Variants in CCSER1 observed in about 807,000 individuals in gnomAD.
CCSER1 encodes serine-rich coiled-coil domain-containing protein 1.
Under a neutral mutation model 82.0 loss-of-function variants are expected in CCSER1, and 41 were observed. That is an observed-to-expected ratio of 0.50 (90% CI 0.39 to 0.65). The LOEUF (loss-of-function observed/expected upper bound fraction) is 0.65, where lower values mean the gene tolerates loss of function less well. Among genes scored for constraint, CCSER1 ranks in the 30% least tolerant of loss-of-function variants. CCSER1 has a pLI of 0.00. For missense variants in CCSER1, 1,119 were observed against 1,064.2 expected, an observed-to-expected ratio of 1.05 and a Z score of -0.72; for synonymous variants, 414 against 383.9, an observed-to-expected ratio of 1.08 and a Z score of -0.92.
chr4:90,743,861 C>A (rs1425026865), intron 7 of CCSER1, among the ~76,000 whole-genome samples: 1 of 152,130 alleles, frequency 6.6e-6, no homozygotes, highest in Non-Finnish European at 1.5e-5. Context: ...AGGAATAAAC[C>A]TGACAATGGT....
chr4:91,252,422 G>T (rs1341538024), intron 10 of CCSER1, among the ~76,000 whole-genome samples: 1 of 152,070 alleles, frequency 6.6e-6, no homozygotes, highest in Non-Finnish European at 1.5e-5. Context: ...ATAAAGATAA[G>T]TACATGGACA....
intron 10 of CCSER1, among the ~76,000 whole-genome samples, chr4:91,420,467 A>G (rs1753625456): frequency 6.6e-6 from 1 of 152,158 alleles, no homozygotes; most frequent in African/African-American, 2.4e-5. Context: ...TGTCAGAGAA[A>G]TGCAAATGAA....
intron 10 of CCSER1, among the ~76,000 whole-genome samples, chr4:91,141,027 A>G (rs1728974170): frequency 6.6e-6 from 1 of 152,058 alleles, no homozygotes. Flanking sequence ...TGTATGTCCA[A>G]TGTTTAGCTC....
rs74267677 is a variant in CCSER1 at position 91,265,057 on chromosome 4, AAG to A, written c.2217+179065_2217+179066del. Among the ~76,000 whole-genome samples the A allele has an allele frequency of 2.1e-3, 314 of 152,186 alleles. 1 individual carries two copies. The highest frequency in any genetic ancestry group is 3.7e-3 in the Non-Finnish European group (254 of 67,944). On this transcript the variant is annotated intron_variant, in intron 10 of 10. Transcript: ENST00000509176. Reference sequence around the variant, plus strand: ...TATATTGATTTTATAAACCATAAGAAAGAAATATCTGAAGTAACTCAATTACA... The same window carrying A: ...TATATTGATTTTATAAACCATAAGAAAAATATCTGAAGTAACTCAATTACA...
At chr4:90,362,027 A>G (rs1383324428) in intron 3 of CCSER1, among the ~76,000 whole-genome samples, 2 of 152,180 alleles carry the variant, frequency 1.3e-5, no homozygotes, top group African/African-American at 4.8e-5. Context: ...TTCTACGTTA[A>G]AAGATTCTGA....
chr4:90,939,087 A>C (rs1304622352), intron 9 of CCSER1, among the ~76,000 whole-genome samples: 2 of 152,238 alleles, frequency 1.3e-5, no homozygotes, highest in South Asian at 2.1e-4. Flanking sequence ...TTATAGTCTT[A>C]ATTTAATTTC....
chr4:90,357,230 CAT>C (rs1282952120), intron 3 of CCSER1, among the ~76,000 whole-genome samples: 1 of 151,870 alleles, frequency 6.6e-6, no homozygotes, highest in Non-Finnish European at 1.5e-5. Context: ...GCATGTTTAT[CAT>C]AGTTCCCCAT....
chr4:91,509,007 AAGTT>A (rs140412417), intron 10 of CCSER1, among the ~76,000 whole-genome samples: 15,585 of 151,924 alleles, frequency 0.1, 958 homozygotes, highest in Middle Eastern at 0.2. Context: ...TTCTAGCTAA[AAGTT>A]AGTCAATTTT....
chr4:90,537,030 C>T (rs888098551), intron 5 of CCSER1, among the ~76,000 whole-genome samples: 2 of 151,988 alleles, frequency 1.3e-5, no homozygotes, highest in East Asian at 1.9e-4. Context: ...CCACTTTTGC[C>T]GGGAGGCCTT....
intron 3 of CCSER1, among the ~76,000 whole-genome samples, chr4:90,391,483 TATAC>T (rs1554021254): frequency 2.3e-3 from 192 of 84,924 alleles, no homozygotes; most frequent in African/African-American, 8.6e-3. Context: ...TATATATATA[TATAC>T]ACACACACAG....
At chr4:90,302,508 A>G (rs920881656) in intron 1 of CCSER1, among the ~76,000 whole-genome samples, 2 of 152,188 alleles carry the variant, frequency 1.3e-5, no homozygotes, top group African/African-American at 2.4e-5. Context: ...TGATTAGAAT[A>G]TGGCAGTCAT....
chr4:90,176,884 T>G (rs1732789747), intron 1 of CCSER1, among the ~76,000 whole-genome samples: 1 of 152,024 alleles, frequency 6.6e-6, no homozygotes, highest in South Asian at 2.1e-4. Context: ...TGGGTACAGA[T>G]TAGTTAGGCT....
intron 10 of CCSER1, among the ~76,000 whole-genome samples, chr4:91,291,006 C>T (rs1009522568): frequency 6.6e-6 from 1 of 151,624 alleles, no homozygotes; most frequent in Non-Finnish European, 1.5e-5. Context: ...AGAATACTCT[C>T]TTAGAACTTT....
chr4:90,445,265 T>C (rs1760488918), intron 4 of CCSER1, among the ~76,000 whole-genome samples: 1 of 152,106 alleles, frequency 6.6e-6, no homozygotes, highest in African/African-American at 2.4e-5. Context: ...TAACACATTA[T>C]TTCTCATGTC....
chr4:90,639,165 A>G, intron 6 of CCSER1, among the ~76,000 whole-genome samples: 1 of 151,720 alleles, frequency 6.6e-6, no homozygotes, highest in Middle Eastern at 3.5e-3. Context: ...AAATATAACA[A>G]TTAAAAAAGC....
intron 6 of CCSER1, among the ~76,000 whole-genome samples, chr4:90,657,969 G>A (rs1247614954): frequency 5.3e-5 from 8 of 152,056 alleles, no homozygotes; most frequent in Non-Finnish European, 1.2e-4. Flanking sequence ...TGGGCATGGT[G>A]GTGCATACTT....
chr4:91,534,549 G>A (rs1761203358), intron 10 of CCSER1, among the ~76,000 whole-genome samples: 1 of 151,974 alleles, frequency 6.6e-6, no homozygotes, highest in Non-Finnish European at 1.5e-5. Flanking sequence ...ACATGGGTTT[G>A]TTGTGAAGAT....
intron 7 of CCSER1, among the ~76,000 whole-genome samples, chr4:90,767,775 C>T (rs1751468672): frequency 6.6e-6 from 1 of 152,056 alleles, no homozygotes; most frequent in African/African-American, 2.4e-5. Context: ...TCAAGAAATT[C>T]TCCCACGTCA....
At chr4:90,296,426 C>A (rs1303313198) in intron 1 of CCSER1, among the ~76,000 whole-genome samples, 1 of 151,854 alleles carries the variant, frequency 6.6e-6, no homozygotes. Flanking sequence ...CAAAAATTTT[C>A]TCCTATTCTG....
Sources: allele counts gnomAD v4.1 joint callset (sites outside exome capture counted in the v4.1 genomes callset), GRCh38; gene constraint gnomAD v4.1.1; transcripts MANE v1.5; gene names NCBI Gene and HGNC (gene_info 2026-07-23, HGNC 2026-07-21).